MYO3B: variants seen among roughly 807,000 people sequenced by gnomAD.
MYO3B encodes myosin IIIB.
A neutral mutation model predicts 174.6 loss-of-function variants in MYO3B; 156 were observed. The ratio of observed to expected loss-of-function variants is 0.89; its 90% CI spans 0.78 to 1.02. MYO3B has a LOEUF of 1.02. Among genes scored for constraint, MYO3B ranks in the 50% least tolerant of loss-of-function variants. MYO3B has a pLI of 0.00. For synonymous variants in MYO3B, 563 were observed against 569.1 expected (o/e 0.99, Z 0.15); for missense variants, 1,632 against 1,639.4 (o/e 1.00, Z 0.08).
chr2:170,331,932 T>G (rs1384445322), intron 7 of MYO3B, among the ~76,000 whole-genome samples: 1 of 152,212 alleles, frequency 6.6e-6, no homozygotes, highest in Non-Finnish European at 1.5e-5. Flanking sequence ...TCTTCCACTT[T>G]AAAAGACTCA....
intron 16 of MYO3B, among the ~76,000 whole-genome samples, chr2:170,398,729 C>A (rs1029492261): frequency 9.9e-5 from 15 of 152,126 alleles, no homozygotes; most frequent in African/African-American, 3.6e-4. Context: ...GAGCAAAGAA[C>A]AAATATAATA....
intron 7 of MYO3B, among the ~76,000 whole-genome samples, chr2:170,329,230 AGTGTGTGTGTGTGT>A (rs72422629): frequency 0.046 from 6,875 of 148,642 alleles, 245 homozygotes; most frequent in Non-Finnish European, 0.066. Context: ...ACAGAAAAAC[AGTGTGTGTGTGTGT>A]GTGTGTGTGT....
intron 7 of MYO3B, 47 bp downstream of exon 7, chr2:170,236,183 C>T (rs995401747): frequency 4.4e-6 from 7 of 1,609,054 alleles, no homozygotes; most frequent in Non-Finnish European, 5.9e-6. Flanking sequence ...TTTGTGAAAG[C>T]GTCTGGTTAG....
At chr2:170,564,045 G>A in intron 32 of MYO3B, among the ~76,000 whole-genome samples, 1 of 152,188 alleles carries the variant, frequency 6.6e-6, no homozygotes, top group East Asian at 1.9e-4. Flanking sequence ...TGTGCCCAGG[G>A]CATTGTTTCA....
intron 28 of MYO3B, among the ~76,000 whole-genome samples, chr2:170,508,544 G>A (rs1687766426): frequency 1.3e-5 from 2 of 152,188 alleles, no homozygotes; most frequent in Admixed American, 6.5e-5. Context: ...GAGGAACCAG[G>A]AGCACAGAGA....
At chr2:170,278,617 G>A (rs968755734) in intron 7 of MYO3B, among the ~76,000 whole-genome samples, 1 of 151,980 alleles carries the variant, frequency 6.6e-6, no homozygotes, top group Non-Finnish European at 1.5e-5. Flanking sequence ...GAGAACATTC[G>A]AGTCCTCATT....
At chr2:170,341,448 A>G (rs2093976210) in intron 8 of MYO3B, 1 of 152,226 alleles carries the variant, frequency 6.6e-6, no homozygotes, top group African/African-American at 2.4e-5. Context: ...GAAGGATACA[A>G]TAACCTTTAT....
intron 30 of MYO3B, among the ~76,000 whole-genome samples, chr2:170,528,273 A>G (rs1251850737): frequency 6.6e-6 from 1 of 152,214 alleles, no homozygotes; most frequent in Non-Finnish European, 1.5e-5. Flanking sequence ...CCTATGGTTA[A>G]TATCTCAAAT....
At chr2:170,360,168 A>G (rs1378651635) in intron 8 of MYO3B, among the ~76,000 whole-genome samples, 2 of 152,162 alleles carry the variant, frequency 1.3e-5, no homozygotes, top group African/African-American at 4.8e-5. Context: ...ATGGCTGGGT[A>G]CTCTCTATTC....
At chr2:170,324,887 C>A (rs981199219) in intron 7 of MYO3B, among the ~76,000 whole-genome samples, 4 of 152,188 alleles carry the variant, frequency 2.6e-5, no homozygotes, top group Admixed American at 2.0e-4. Flanking sequence ...CCAGCGAATT[C>A]TTCTGGCACC....
At chr2:170,331,548 C>T (rs1276606513) in intron 7 of MYO3B, among the ~76,000 whole-genome samples, 1 of 151,982 alleles carries the variant, frequency 6.6e-6, no homozygotes, top group Admixed American at 6.6e-5. Flanking sequence ...ACCGTCATAA[C>T]AAATCACCAC....
At chr2:170,246,627 A>G (rs1021411325) in intron 7 of MYO3B, among the ~76,000 whole-genome samples, 13 of 152,030 alleles carry the variant, frequency 8.6e-5, no homozygotes, top group African/African-American at 3.1e-4. Flanking sequence ...GCAAGGAAGG[A>G]TCCTCCCCCA....
intron 23 of MYO3B, among the ~76,000 whole-genome samples, chr2:170,448,976 A>C (rs1225157184): frequency 6.6e-6 from 1 of 152,222 alleles, no homozygotes; most frequent in Non-Finnish European, 1.5e-5. Flanking sequence ...GGCTTTGCTG[A>C]AACTTTGTTC....
intron 30 of MYO3B, among the ~76,000 whole-genome samples, chr2:170,534,271 C>T (rs1309386776): frequency 6.6e-6 from 1 of 152,162 alleles, no homozygotes; most frequent in Non-Finnish European, 1.5e-5. Context: ...AAGGCTGTTG[C>T]ACACTTAATA....
At chr2:170,322,237 CA>C (rs2093833805) in intron 7 of MYO3B, among the ~76,000 whole-genome samples, 1 of 151,826 alleles carries the variant, frequency 6.6e-6, no homozygotes, top group South Asian at 2.1e-4. Flanking sequence ...ACGAAATAAA[CA>C]CTTATCTATT....
chr2:170,437,821 C>T (rs1390800362), intron 22 of MYO3B, among the ~76,000 whole-genome samples: 3 of 152,116 alleles, frequency 2.0e-5, no homozygotes, highest in East Asian at 1.9e-4. Context: ...CTCACAATGG[C>T]GCGCTCTATC....
chr2:170,446,360 C>T (rs143127489), intron 23 of MYO3B, among the ~76,000 whole-genome samples: 220 of 152,186 alleles, frequency 1.4e-3, no homozygotes, highest in Middle Eastern at 0.014. Flanking sequence ...TGATTTTTGA[C>T]TACTGGACTA....
chr2:170,402,090 G>A (rs549696235), intron 18 of MYO3B, among the ~76,000 whole-genome samples: 1 of 152,350 alleles, frequency 6.6e-6, no homozygotes, highest in African/African-American at 2.4e-5. Context: ...TCTTGGCTGG[G>A]AGCTGGACAA....
intron 32 of MYO3B, chr2:170,641,054 G>A (rs1259916809): frequency 1.3e-5 from 2 of 152,108 alleles, no homozygotes; most frequent in Admixed American, 6.5e-5. Context: ...GTTAGCCAAC[G>A]GGACTGCTCA....
Sources: gnomAD v4.1 joint callset for allele counts (sites outside exome capture counted in the v4.1 genomes callset) on GRCh38, gnomAD v4.1.1 for gene constraint, MANE v1.5 for transcripts, NCBI Gene and HGNC (gene_info 2026-07-23, HGNC 2026-07-21) for gene names.